MECOM: variants seen among roughly 807,000 people sequenced by gnomAD.
MECOM encodes histone-lysine N-methyltransferase MECOM.
A neutral mutation model predicts 116.3 loss-of-function variants in MECOM; 13 were observed. The ratio of observed to expected loss-of-function variants is 0.11; its 90% CI spans 0.07 to 0.18. MECOM has a LOEUF of 0.18. Ranked by LOEUF, MECOM falls within the 10% of genes least tolerant of loss-of-function variation. The pLI is 1.00. For missense variants in MECOM, 1,299 were observed against 1,509.0 expected, an observed-to-expected ratio of 0.86 and a Z score of 2.31; for synonymous variants, 528 against 535.2, an observed-to-expected ratio of 0.99 and a Z score of 0.19.
rs1400006928 is a variant in MECOM at position 169,149,973 on chromosome 3, GTGTGTCTGTC to G, written c.376-6151_376-6142del. Among the ~76,000 whole-genome samples the G allele has an allele frequency of 1.6e-3, 222 of 138,870 alleles. 1 individual carries two copies. Among genetic ancestry groups the G allele is most frequent in the African/African-American group, 5.8e-3 (209 of 35,778 alleles). The allele number at this position is 138,870 out of a possible 152,430, so 91.1% of individuals were successfully genotyped here. On this transcript the variant is annotated intron_variant, in intron 2 of 16. Coordinates refer to ENST00000651503, the MANE Select transcript of MECOM (RefSeq NM_004991.4). ...TGTGTGTGTGTGTGTGTGTGTGTGT[GTGTGTCTGTC>G]TGTCTGTCTGTCTGTCTGTCTCTCC...
At chr3:169,149,967 G>A (rs1377176622) in intron 2 of MECOM, among the ~76,000 whole-genome samples, 1 of 149,324 alleles carries the variant, frequency 6.7e-6, no homozygotes, top group Non-Finnish European at 1.5e-5. Flanking sequence ...GTGTGTGTGT[G>A]TGTGTGTGTG....
chr3:169,176,972 G>A (rs1335196580), intron 2 of MECOM, among the ~76,000 whole-genome samples: 1 of 152,162 alleles, frequency 6.6e-6, no homozygotes, highest in Non-Finnish European at 1.5e-5. Flanking sequence ...AACAATAGAT[G>A]CTGGTGAGGC....
intron 1 of MECOM, among the ~76,000 whole-genome samples, chr3:169,442,376 A>G (rs1323130328): frequency 1.3e-5 from 2 of 152,176 alleles, no homozygotes; most frequent in Non-Finnish European, 2.9e-5. Context: ...TACACTTCTT[A>G]TGAGTAACTT....
chr3:169,478,544 T>C (rs1020345101), intron 1 of MECOM, among the ~76,000 whole-genome samples: 18 of 152,188 alleles, frequency 1.2e-4, no homozygotes, highest in African/African-American at 3.6e-4. Flanking sequence ...TAAGCCAAGA[T>C]TGAGTTATGT....
intron 3 of MECOM, among the ~76,000 whole-genome samples, chr3:169,140,355 G>T (rs907739038): frequency 6.6e-6 from 1 of 151,936 alleles, no homozygotes; most frequent in African/African-American, 2.4e-5. Context: ...AAGAGACTTG[G>T]GTATCTTTAA....
intron 2 of MECOM, among the ~76,000 whole-genome samples, chr3:169,264,369 T>G (rs193021821): frequency 8.5e-5 from 13 of 152,336 alleles, no homozygotes; most frequent in African/African-American, 2.9e-4. Flanking sequence ...CTTCTTTTAC[T>G]TCTCAGTATT....
chr3:169,203,049 C>T (rs1749395993), intron 2 of MECOM, among the ~76,000 whole-genome samples: 1 of 152,130 alleles, frequency 6.6e-6, no homozygotes, highest in South Asian at 2.1e-4. Flanking sequence ...TCTCATTTCT[C>T]ACCTTTGGAC....
chr3:169,197,338 ATAAAT>A (rs1245461530), intron 2 of MECOM, among the ~76,000 whole-genome samples: 2 of 41,660 alleles, frequency 4.8e-5, no homozygotes, highest in African/African-American at 7.9e-5. Flanking sequence ...AAATAAATAA[ATAAAT>A]AAAATAAAAT....
intron 2 of MECOM, among the ~76,000 whole-genome samples, chr3:169,337,075 C>T (rs75641433): frequency 0.011 from 1,618 of 152,064 alleles, 11 homozygotes; most frequent in East Asian, 0.044. Flanking sequence ...TGTATGATTG[C>T]GTCCATGAAT....
At chr3:169,110,628 G>A (rs1727048982) in intron 9 of MECOM, among the ~76,000 whole-genome samples, 1 of 152,170 alleles carries the variant, frequency 6.6e-6, no homozygotes, top group Non-Finnish European at 1.5e-5. Context: ...ACACCCCTCA[G>A]ATAGTCCCAC....
intron 2 of MECOM, among the ~76,000 whole-genome samples, chr3:169,281,125 T>TG (rs1711886301): frequency 1.3e-5 from 2 of 152,324 alleles, no homozygotes; most frequent in African/African-American, 4.8e-5. Context: ...GTGTGATCTT[T>TG]GGAGAAAAGC....
chr3:169,431,730 C>T (rs1339523231), intron 1 of MECOM, among the ~76,000 whole-genome samples: 1 of 152,146 alleles, frequency 6.6e-6, no homozygotes, highest in African/African-American at 2.4e-5. Context: ...TTTTTAGATT[C>T]TCCTGTTTGG....
intron 1 of MECOM, among the ~76,000 whole-genome samples, chr3:169,424,081 C>T (rs1483194157): frequency 2.0e-5 from 3 of 152,110 alleles, no homozygotes; most frequent in African/African-American, 7.2e-5. Context: ...CTTAAAGTTT[C>T]CATTAAGCCC....
At chr3:169,477,105 G>GTGTA (rs1216311292) in intron 1 of MECOM, 25 of 59,496 alleles carry the variant, frequency 4.2e-4, no homozygotes, top group African/African-American at 1.2e-3. Context: ...GTGTGTGTGT[G>GTGTA]TATATATATA....
At chr3:169,537,537 T>C (rs527343679) in intron 1 of MECOM, among the ~76,000 whole-genome samples, 1 of 152,180 alleles carries the variant, frequency 6.6e-6, no homozygotes, top group Non-Finnish European at 1.5e-5. Flanking sequence ...AAAGTTTTTG[T>C]TAGTGAGGTT....
chr3:169,499,077 T>C (rs992921969), intron 1 of MECOM, among the ~76,000 whole-genome samples: 2 of 151,794 alleles, frequency 1.3e-5, no homozygotes, highest in African/African-American at 4.8e-5. Context: ...AGTTAAGAGA[T>C]ATAAAACTAT....
At chr3:169,104,521 AC>A (rs1724693490) in intron 10 of MECOM, among the ~76,000 whole-genome samples, 1 of 152,200 alleles carries the variant, frequency 6.6e-6, no homozygotes, top group African/African-American at 2.4e-5. Context: ...ATTGGGAAGA[AC>A]AGTTAATGCA....
At chr3:169,419,458 C>G (rs1049996557) in intron 1 of MECOM, among the ~76,000 whole-genome samples, 2 of 152,092 alleles carry the variant, frequency 1.3e-5, no homozygotes, top group African/African-American at 4.8e-5. Flanking sequence ...GCAAAAAGAA[C>G]AAAGCTGGAG....
At chr3:169,507,955 C>T (rs1009261107) in intron 1 of MECOM, among the ~76,000 whole-genome samples, 3 of 152,074 alleles carry the variant, frequency 2.0e-5, no homozygotes, top group Non-Finnish European at 2.9e-5. Context: ...CCACCGCGCC[C>T]GGCCCCAACT....
Sources: allele counts gnomAD v4.1 joint callset (sites outside exome capture counted in the v4.1 genomes callset), GRCh38; gene constraint gnomAD v4.1.1; transcripts MANE v1.5; gene names NCBI Gene and HGNC (gene_info 2026-07-23, HGNC 2026-07-21).